EPHA5: variants seen among roughly 807,000 people sequenced by gnomAD.
EPHA5 encodes ephrin type-A receptor 5.
A neutral mutation model predicts 105.0 loss-of-function variants in EPHA5; 60 were observed. That is an observed-to-expected ratio of 0.57 (90% confidence interval 0.46 to 0.71). The LOEUF is 0.71. Among genes scored for constraint, EPHA5 ranks in the 30% least tolerant of loss-of-function variants. EPHA5 has a pLI of 0.00. For synonymous variants in EPHA5, 513 were observed against 449.1 expected (o/e 1.14, Z -1.80); for missense variants, 1,218 against 1,274.7 (o/e 0.96, Z 0.68).
chr4:65,408,188 G>A (rs1443445905), intron 7 of EPHA5, among the ~76,000 whole-genome samples: 3 of 151,852 alleles, frequency 2.0e-5, no homozygotes, highest in Non-Finnish European at 4.4e-5. Flanking sequence ...TAATTTACAG[G>A]GTACTGTCAA....
intron 1 of EPHA5, among the ~76,000 whole-genome samples, chr4:65,665,198 T>C (rs1046512729): frequency 2.6e-5 from 4 of 151,932 alleles, no homozygotes; most frequent in Non-Finnish European, 5.9e-5. Flanking sequence ...CATTATACTC[T>C]ATTTTTACAG....
At chr4:65,655,665 A>T (rs571057539) in intron 1 of EPHA5, among the ~76,000 whole-genome samples, 4 of 152,228 alleles carry the variant, frequency 2.6e-5, no homozygotes, top group Middle Eastern at 3.4e-3. Flanking sequence ...AGAATTATCT[A>T]TGGGGGTTCT....
At chr4:65,347,969 C>G (rs1407310591) in intron 14 of EPHA5, 85 bp downstream of exon 14, 2 of 1,337,458 alleles carry the variant, frequency 1.5e-6, no homozygotes, top group African/African-American at 3.0e-5. Context: ...GCAACTGTCA[C>G]TTTCAGAAAT....
intron 8 of EPHA5, among the ~76,000 whole-genome samples, chr4:65,389,925 G>A (rs992992107): frequency 6.6e-6 from 1 of 151,924 alleles, no homozygotes; most frequent in Non-Finnish European, 1.5e-5. Context: ...TTGCCAACTT[G>A]ATGAGATCTT....
intron 8 of EPHA5, among the ~76,000 whole-genome samples, chr4:65,372,038 G>GA (rs1328348853): frequency 1.3e-5 from 2 of 151,734 alleles, no homozygotes; most frequent in African/African-American, 2.4e-5. Flanking sequence ...TATGAGATGA[G>GA]AAAAAATAAA....
At chr4:65,370,694 T>C (rs951156903) in intron 8 of EPHA5, among the ~76,000 whole-genome samples, 8 of 152,058 alleles carry the variant, frequency 5.3e-5, no homozygotes, top group African/African-American at 1.9e-4. Flanking sequence ...GAAAATGACT[T>C]GGAAATACCT....
intron 5 of EPHA5, among the ~76,000 whole-genome samples, chr4:65,443,916 T>TGTGTGC (rs1223203744): frequency 6.6e-6 from 1 of 151,842 alleles, no homozygotes; most frequent in Admixed American, 6.6e-5. Flanking sequence ...TGTGTGTGTG[T>TGTGTGC]GTGTGTGTGT....
intron 2 of EPHA5, among the ~76,000 whole-genome samples, chr4:65,625,220 T>C (rs565726868): frequency 6.6e-6 from 1 of 152,204 alleles, no homozygotes; most frequent in South Asian, 2.1e-4. Flanking sequence ...ATCTATTGAA[T>C]GGAATAATAG....
At chr4:65,363,844 A>T (rs949297682) in intron 11 of EPHA5, among the ~76,000 whole-genome samples, 25 of 151,356 alleles carry the variant, frequency 1.7e-4, no homozygotes, top group African/African-American at 5.8e-4. Flanking sequence ...TCAAATTCTG[A>T]TTTTATTTTA....
chr4:65,440,499 T>TACACACACAC (rs71657410), intron 5 of EPHA5, among the ~76,000 whole-genome samples: 21,950 of 143,198 alleles, frequency 0.15, 1,887 homozygotes, highest in Middle Eastern at 0.23. Context: ...TCCTAAATCT[T>TACACACACAC]ACACACACAC....
chr4:65,341,280 T>A (rs1245970713), intron 14 of EPHA5, among the ~76,000 whole-genome samples: 4 of 152,006 alleles, frequency 2.6e-5, no homozygotes, highest in Non-Finnish European at 4.4e-5. Flanking sequence ...TTCCAAATAA[T>A]CAGAAGGTTT....
At chr4:65,419,314 G>A (rs111930797) in intron 6 of EPHA5, among the ~76,000 whole-genome samples, 1,865 of 152,158 alleles carry the variant, frequency 0.012, 44 homozygotes, top group African/African-American at 0.042. Context: ...CTTTTCCAAT[G>A]CCCTAGCTTG....
intron 14 of EPHA5, among the ~76,000 whole-genome samples, chr4:65,339,630 T>C (rs1424116927): frequency 6.6e-6 from 1 of 152,126 alleles, no homozygotes; most frequent in Non-Finnish European, 1.5e-5. Flanking sequence ...GAGCTATACA[T>C]ACATTTAAGA....
intron 3 of EPHA5, among the ~76,000 whole-genome samples, chr4:65,538,964 A>G (rs1736555204): frequency 6.6e-6 from 1 of 151,674 alleles, no homozygotes; most frequent in Non-Finnish European, 1.5e-5. Context: ...CACGAAGAGT[A>G]GCCTGTCTAA....
chr4:65,526,787 A>G (rs1351784014), intron 3 of EPHA5, among the ~76,000 whole-genome samples: 4 of 152,054 alleles, frequency 2.6e-5, no homozygotes, highest in African/African-American at 9.7e-5. Flanking sequence ...AGGTTTCTAC[A>G]GTCTCACGTC....
At chr4:65,343,749 A>G (rs1301679762) in intron 14 of EPHA5, among the ~76,000 whole-genome samples, 1 of 152,218 alleles carries the variant, frequency 6.6e-6, no homozygotes, top group Non-Finnish European at 1.5e-5. Context: ...CATGCATTGG[A>G]CATTGTATTA....
intron 5 of EPHA5, among the ~76,000 whole-genome samples, chr4:65,433,543 A>G (rs1296702970): frequency 3.3e-5 from 5 of 152,188 alleles, no homozygotes; most frequent in African/African-American, 4.8e-5. Context: ...AAAGTATCCT[A>G]TCATATAAAT....
intron 1 of EPHA5, 76 bp downstream of exon 1, chr4:65,669,486 G>A (rs2149569957): frequency 7.8e-7 from 1 of 1,281,132 alleles, no homozygotes; most frequent in Non-Finnish European, 9.9e-7. Context: ...CGTCCAGCGC[G>A]CTGAGACCTG....
intron 8 of EPHA5, among the ~76,000 whole-genome samples, chr4:65,377,797 G>A (rs1295641679): frequency 6.6e-6 from 1 of 151,864 alleles, no homozygotes; most frequent in Non-Finnish European, 1.5e-5. Context: ...TTTATAAAAT[G>A]CACTTTATTG....
Sources: gnomAD v4.1 joint callset for allele counts (sites outside exome capture counted in the v4.1 genomes callset) on GRCh38, gnomAD v4.1.1 for gene constraint, MANE v1.5 for transcripts, NCBI Gene and HGNC (gene_info 2026-07-23, HGNC 2026-07-21) for gene names.